The following TAOK1 variants were observed in gnomAD, a reference collection of about 807,000 sequenced individuals.
The protein encoded by TAOK1 is serine/threonine-protein kinase TAO1.
A neutral mutation model predicts 138.3 loss-of-function variants in TAOK1; 21 were observed. The ratio of observed to expected loss-of-function variants is 0.15; its 90% confidence interval spans 0.11 to 0.22. The LOEUF is 0.22. TAOK1 is among the 10% of genes least tolerant of loss of function. The probability of loss-of-function intolerance (pLI) is 1.00; values close to 1 mark genes in which losing one functional copy is unlikely to be tolerated. For missense variants in TAOK1, 651 were observed against 1,227.7 expected (o/e 0.53, Z 7.02); for synonymous variants, 361 against 398.4 (o/e 0.91, Z 1.12).
At chr17:29,537,621 T>C (rs2032245022) in intron 19 of TAOK1, among the ~76,000 whole-genome samples, 1 of 151,262 alleles carries the variant, frequency 6.6e-6, no homozygotes, top group Non-Finnish European at 1.5e-5. Flanking sequence ...CCTCCCAAAG[T>C]GCTGAGATTA....
chr17:29,438,666 A>G (rs1906112777), intron 1 of TAOK1, among the ~76,000 whole-genome samples: 1 of 152,248 alleles, frequency 6.6e-6, no homozygotes, highest in African/African-American at 2.4e-5. Flanking sequence ...CCTGCATAAC[A>G]GAGTGAGGAG....
At chr17:29,519,712 AGTAATAGCATGT>A (rs772804100) in intron 16 of TAOK1, among the ~76,000 whole-genome samples, 3 of 152,196 alleles carry the variant, frequency 2.0e-5, no homozygotes, top group Non-Finnish European at 4.4e-5. Context: ...AATCAATCCT[AGTAATAGCATGT>A]GTTAACAGAC....
rs2032498225 is a variant in TAOK1, at chr17:29,551,701, ATTC to A, written c.*8684_*8686del. 3 of 152,702 alleles carry A rather than the reference ATTC, an allele frequency of 2.0e-5. No individual in the cohort carries two copies. Among genetic ancestry groups the A allele is most frequent in the South Asian group, 4.1e-4 (2 of 4,826 alleles). The allele number at this position is 152,702 out of a possible 1,614,324, so 9.5% of individuals were successfully genotyped here. A position where few individuals can be genotyped will look rare whatever the true frequency, so the allele number is the denominator to read the frequency against. On this transcript the variant is annotated 3_prime_UTR_variant, in exon 20 of 20. Coordinates refer to ENST00000261716, the MANE Select transcript of TAOK1 (RefSeq NM_020791.4). ...GCTTATTGTACAGTATATTGTCAGTATTCTTCTGGTTCAGCATACCTTATAGTT... is the reference window on the plus strand; with the variant it reads ...GCTTATTGTACAGTATATTGTCAGTATTCTGGTTCAGCATACCTTATAGTT...
intron 3 of TAOK1, among the ~76,000 whole-genome samples, chr17:29,469,698 A>G (rs1020253146): frequency 6.6e-6 from 1 of 152,190 alleles, no homozygotes; most frequent in African/African-American, 2.4e-5. Flanking sequence ...ATATGTATCT[A>G]TATCTGTCTG....
chr17:29,506,273 C>CCATTCAGCCTTAAAAAGGAAAAATCCTGT (rs1161823751), intron 13 of TAOK1, among the ~76,000 whole-genome samples: 2 of 152,104 alleles, frequency 1.3e-5, no homozygotes, highest in Non-Finnish European at 2.9e-5. Context: ...CAATGGAATA[C>CCATTCAGCCTTAAAAAGGAAAAATCCTGT]CATTCAGCCT....
At chr17:29,413,261 C>G (rs146483417) in intron 1 of TAOK1, among the ~76,000 whole-genome samples, 1 of 152,180 alleles carries the variant, frequency 6.6e-6, no homozygotes, top group East Asian at 1.9e-4. Flanking sequence ...TCCCAAATAG[C>G]TAAACTTAAA....
At chr17:29,413,681 T>C (rs1003657487) in intron 1 of TAOK1, among the ~76,000 whole-genome samples, 1 of 152,128 alleles carries the variant, frequency 6.6e-6, no homozygotes, top group Non-Finnish European at 1.5e-5. Flanking sequence ...GTATAGCTAC[T>C]GTATGTATGT....
chr17:29,479,904 G>T (rs1359224804), intron 6 of TAOK1, among the ~76,000 whole-genome samples: 1 of 151,914 alleles, frequency 6.6e-6, no homozygotes, highest in Non-Finnish European at 1.5e-5. Flanking sequence ...GAAATGATAC[G>T]AATACATCTT....
At chr17:29,497,449 G>T (rs1567735409) in intron 11 of TAOK1, among the ~76,000 whole-genome samples, 1 of 152,034 alleles carries the variant, frequency 6.6e-6, no homozygotes, top group Non-Finnish European at 1.5e-5. Context: ...TTAGGCTGGG[G>T]ATGTAAGAAA....
At chr17:29,500,361 C>G (rs1474947370) in intron 12 of TAOK1, among the ~76,000 whole-genome samples, 2 of 152,054 alleles carry the variant, frequency 1.3e-5, no homozygotes, top group African/African-American at 4.8e-5. Flanking sequence ...TTTCACTTCA[C>G]AGCTTGTGTT....
chr17:29,417,890 C>G (rs1905307700), intron 1 of TAOK1, among the ~76,000 whole-genome samples: 1 of 152,064 alleles, frequency 6.6e-6, no homozygotes. Flanking sequence ...TCTCTCTTCT[C>G]TCTCTTTCTT....
At chr17:29,525,715 A>G (rs1350334799) in intron 17 of TAOK1, among the ~76,000 whole-genome samples, 1 of 152,240 alleles carries the variant, frequency 6.6e-6, no homozygotes, top group African/African-American at 2.4e-5. Context: ...CTTTAAAAAT[A>G]AAAACTTTTC....
chr17:29,533,576 C>T (rs1388784786), intron 18 of TAOK1, among the ~76,000 whole-genome samples: 3 of 151,912 alleles, frequency 2.0e-5, no homozygotes, highest in African/African-American at 7.3e-5. Context: ...AACGAGACTC[C>T]GTCTGCAATC....
intron 1 of TAOK1, among the ~76,000 whole-genome samples, chr17:29,414,074 G>T (rs1161573278): frequency 6.6e-6 from 1 of 151,642 alleles, no homozygotes; most frequent in African/African-American, 2.4e-5. Flanking sequence ...TAGTAGAGAC[G>T]GGGTTTCACT....
chr17:29,414,993 T>G (rs1350120471), intron 1 of TAOK1, among the ~76,000 whole-genome samples: 2 of 151,924 alleles, frequency 1.3e-5, no homozygotes. Context: ...GAACGGAATT[T>G]CGCTCTGTTG....
intron 10 of TAOK1, among the ~76,000 whole-genome samples, chr17:29,494,906 T>C (rs1676313104): frequency 6.6e-6 from 1 of 152,196 alleles, no homozygotes. Flanking sequence ...TTCTGGAATT[T>C]ACATGCTAAC....
intron 19 of TAOK1, among the ~76,000 whole-genome samples, chr17:29,539,758 A>T (rs975892363): frequency 6.6e-6 from 1 of 152,026 alleles, no homozygotes; most frequent in Non-Finnish European, 1.5e-5. Context: ...TTTTAGTAGA[A>T]ATACCCAGTT....
intron 19 of TAOK1, among the ~76,000 whole-genome samples, chr17:29,541,329 C>T (rs1259765923): frequency 2.0e-5 from 3 of 148,986 alleles, no homozygotes; most frequent in East Asian, 2.1e-4. Flanking sequence ...AGGCTGGTCT[C>T]GAACTTCTGA....
At chr17:29,433,195 G>T (rs1905905601) in intron 1 of TAOK1, among the ~76,000 whole-genome samples, 1 of 152,092 alleles carries the variant, frequency 6.6e-6, no homozygotes, top group Admixed American at 6.5e-5. Flanking sequence ...CACTTTGGGA[G>T]GCCAAGCCGG....
Sources: allele counts gnomAD v4.1 joint callset (sites outside exome capture counted in the v4.1 genomes callset), GRCh38; gene constraint gnomAD v4.1.1; transcripts MANE v1.5; gene names NCBI Gene and HGNC (gene_info 2026-07-23, HGNC 2026-07-21).